Variants in DOCK8 observed in about 807,000 individuals in gnomAD.
DOCK8 encodes the protein dedicator of cytokinesis protein 8.
DOCK8 carries 141 observed loss-of-function variants against 245.6 expected under a neutral mutation model. That is an observed-to-expected ratio of 0.57 (90% CI 0.50 to 0.66). The LOEUF (loss-of-function observed/expected upper bound fraction) is 0.66. DOCK8 is among the 30% of genes least tolerant of loss of function. The probability of loss-of-function intolerance (pLI) is 0.00; values close to 1 mark genes in which losing one functional copy is unlikely to be tolerated. For synonymous variants in DOCK8, 1,168 were observed against 970.2 expected (o/e 1.20, Z -3.79); for missense variants, 2,965 against 2,603.4 (o/e 1.14, Z -3.02).
chr9:383,099 CAAAA>C (rs2053793513), intron 22 of DOCK8, among the ~76,000 whole-genome samples: 1 of 152,056 alleles, frequency 6.6e-6, no homozygotes, highest in African/African-American at 2.4e-5. Flanking sequence ...GATTATCTCA[CAAAA>C]AAGTCCAAAG....
chr9:382,303 A>G lies in DOCK8; in HGVS notation c.2606-210A>G, dbSNP rs145015188. Reference sequence around the variant, plus strand: ...AGGCATGTGTTGGCTGTTTACCATGATCTCCACCACTCCCTGGTGCCTTAT... The same window carrying G: ...AGGCATGTGTTGGCTGTTTACCATGGTCTCCACCACTCCCTGGTGCCTTAT... On this transcript the variant is annotated intron_variant, in intron 21 of 47. Coordinates refer to ENST00000432829, the MANE Select transcript of DOCK8 (RefSeq NM_203447.4). 1.1e-3 allele frequency among the ~76,000 whole-genome samples: 165 copies of G among 152,186 alleles called. 2 individuals carry two copies. The highest frequency in any genetic ancestry group is 4.4e-3 in the South Asian group (21 of 4,824).
At chr9:220,700 A>G (rs1443840811) in intron 1 of DOCK8, 5 of 409,848 alleles carry the variant, frequency 1.2e-5, no homozygotes, top group Non-Finnish European at 2.4e-5. Flanking sequence ...TCCCACAAGC[A>G]GTAGTCTAAT....
chr9:314,804 A>C (rs1350228918), intron 6 of DOCK8, among the ~76,000 whole-genome samples: 1 of 108,996 alleles, frequency 9.2e-6, no homozygotes, highest in Non-Finnish European at 1.9e-5. Flanking sequence ...TGACACAATC[A>C]GATTTTTAAA....
chr9:315,394 G>T (rs7028627), intron 6 of DOCK8, among the ~76,000 whole-genome samples: 77,872 of 151,942 alleles, frequency 0.51, 21,071 homozygotes, highest in African/African-American at 0.67. Context: ...AGAAGAGACT[G>T]AGGAAATATA....
At chr9:266,518 C>T (rs2048037710) in intron 1 of DOCK8, among the ~76,000 whole-genome samples, 1 of 152,180 alleles carries the variant, frequency 6.6e-6, no homozygotes, top group Admixed American at 6.5e-5. Flanking sequence ...GATGCTAATA[C>T]AGGACTGGGG....
chr9:448,424 T>G (rs889088703), intron 44 of DOCK8, among the ~76,000 whole-genome samples: 1 of 152,180 alleles, frequency 6.6e-6, no homozygotes, highest in South Asian at 2.1e-4. Context: ...TTCTTGGCCT[T>G]CCTTCGTTCC....
intron 7 of DOCK8, among the ~76,000 whole-genome samples, chr9:319,763 A>G (rs1357783237): frequency 1.3e-5 from 2 of 151,858 alleles, no homozygotes; most frequent in Non-Finnish European, 2.9e-5. Flanking sequence ...GGTCCTGCCA[A>G]TTCTGCAAAT....
intron 4 of DOCK8, among the ~76,000 whole-genome samples, chr9:297,065 T>G (rs1453271242): frequency 6.6e-6 from 1 of 152,078 alleles, no homozygotes; most frequent in African/African-American, 2.4e-5. Flanking sequence ...CTTGTTCTGA[T>G]GCACCTTATG....
At chr9:405,130 T>G (rs760017847) in intron 27 of DOCK8, 57 bp downstream of exon 27, 1 of 1,491,366 alleles carries the variant, frequency 6.7e-7, no homozygotes, top group Non-Finnish European at 9.3e-7. Context: ...TTTAACTAGC[T>G]CAGTTTAATC....
chr9:382,574 T>C lies in DOCK8; in HGVS notation c.2667T>C (p.Ala889=). Residue 889 remains alanine, a synonymous_variant, in exon 22 of 48, where the codon GCT becomes GCC. Transcript: ENST00000432829. ...ACACGTATGGCCGCACATCAGCTGC[T>C]GCTGTGAGTTCAAAGCTGCTGCAGG... ...SYHTYGRTSA[A]AVSSKLLQAR... is the part of the protein sequence containing the mutation. 1 of 1,614,166 alleles carries C rather than the reference T, an allele frequency of 6.2e-7. No individual in the cohort carries two copies. Among genetic ancestry groups the C allele is most frequent in the Non-Finnish European group, 8.5e-7 (1 of 1,180,010 alleles).
At position 382,541 on chromosome 9, in the gene DOCK8, G is replaced by C. The variant is rs370632366; in HGVS notation, c.2634G>C (p.Arg878=). ...SGAPTALLDP[R]SYHTYGRTSA... ...CTCCCACTGCCCTCCTAGACCCTCG[G>C]AGCTACCACACGTATGGCCGCACAT... Residue 878 remains arginine, a synonymous_variant, in exon 22 of 48, where the codon CGG becomes CGC. Transcript: ENST00000432829. 1 of 1,613,874 alleles carries C rather than the reference G, an allele frequency of 6.2e-7. No individual in the cohort carries two copies. Among genetic ancestry groups the C allele is most frequent in the Non-Finnish European group, 8.5e-7 (1 of 1,179,900 alleles).
intron 4 of DOCK8, among the ~76,000 whole-genome samples, chr9:291,494 G>C (rs1278872651): frequency 1.3e-5 from 2 of 152,046 alleles, no homozygotes; most frequent in East Asian, 3.8e-4. Flanking sequence ...TGCATTTTCA[G>C]TTTTCACAGT....
At chr9:216,941 CTG>C (rs904680613) in intron 1 of DOCK8, among the ~76,000 whole-genome samples, 6 of 152,138 alleles carry the variant, frequency 3.9e-5, no homozygotes, top group Non-Finnish European at 7.3e-5. Context: ...TACAAAGTCA[CTG>C]TGCAACATTG....
chr9:341,928 A>G (rs1008379528), intron 14 of DOCK8, among the ~76,000 whole-genome samples: 13 of 152,304 alleles, frequency 8.5e-5, no homozygotes, highest in African/African-American at 3.1e-4. Flanking sequence ...TGAGGCATCT[A>G]GGTTGTGCGC....
At position 435,384 on chromosome 9, in the gene DOCK8, G is replaced by A. The variant is rs1217371884; in HGVS notation, c.5079+409G>A. Among the ~76,000 whole-genome samples, 5 of 150,398 alleles carry A rather than the reference G, an allele frequency of 3.3e-5. No homozygotes were observed. In the South Asian group the frequency reaches 6.3e-4, roughly 19 times the overall value. On this transcript the variant is annotated intron_variant, in intron 39 of 47. Coordinates refer to ENST00000432829, the MANE Select transcript of DOCK8 (RefSeq NM_203447.4). ...TGCATGGCTTCATTTGAACCTCCCC[G>A]TAAAGCTGTGAGGCAGGTAGGTAGG...
At chr9:247,565 G>T (rs1443541076) in intron 1 of DOCK8, among the ~76,000 whole-genome samples, 2 of 151,986 alleles carry the variant, frequency 1.3e-5, no homozygotes, top group African/African-American at 4.8e-5. Context: ...AGGGAGTCTC[G>T]CTCTGTCGCC....
chr9:221,761 G>A (rs1193905837), intron 1 of DOCK8, among the ~76,000 whole-genome samples: 1 of 151,662 alleles, frequency 6.6e-6, no homozygotes, highest in Non-Finnish European at 1.5e-5. Flanking sequence ...GGCGGAAGTT[G>A]CAGTGAGCCG....
chr9:307,458 A>G (rs905173313), intron 5 of DOCK8, among the ~76,000 whole-genome samples: 4 of 143,410 alleles, frequency 2.8e-5, no homozygotes, highest in African/African-American at 1.0e-4. Flanking sequence ...TCCCAAGTTC[A>G]AGCGATTCTT....
intron 1 of DOCK8, chr9:268,324 G>C (rs2048080618): frequency 6.6e-6 from 1 of 152,222 alleles, no homozygotes; most frequent in African/African-American, 2.4e-5. Context: ...TAGGCTCAAA[G>C]AGTCAAGAAA....
Sources: gnomAD v4.1 joint callset for allele counts (sites outside exome capture counted in the v4.1 genomes callset) on GRCh38, gnomAD v4.1.1 for gene constraint, MANE v1.5 for transcripts, NCBI Gene and HGNC (gene_info 2026-07-23, HGNC 2026-07-21) for gene names.